Variants in TMEM175 observed in about 807,000 individuals in gnomAD.
The protein encoded by TMEM175 is transmembrane protein 175, also known as endosomal/lysosomal proton channel TMEM175.
Under a neutral mutation model 36.5 loss-of-function variants are expected in TMEM175, and 36 were observed. That is an observed-to-expected ratio of 0.99 (90% CI 0.76 to 1.30). TMEM175 has a LOEUF of 1.30. Among genes scored for constraint, TMEM175 ranks in the 50% most tolerant of loss-of-function variants. The pLI, the probability that TMEM175 is intolerant of heterozygous loss-of-function variation, is 0.00. For missense variants in TMEM175, 705 were observed against 692.8 expected, an observed-to-expected ratio of 1.02 and a Z score of -0.20; for synonymous variants, 339 against 313.4, an observed-to-expected ratio of 1.08 and a Z score of -0.86.
Position 952,517 on chromosome 4 carries a change from T to A in TMEM175, c.462+67T>A, listed in dbSNP as rs1419428075. On this transcript the variant is annotated intron_variant, in intron 7 of 10. Coordinates refer to ENST00000264771, the MANE Select transcript of TMEM175 (RefSeq NM_032326.4). ...GTGTGTGTGTGTGTGTGTGTGTGTGTGATCACCATCGGGGTCGTGCAGGTA... is the reference window on the plus strand; with the variant it reads ...GTGTGTGTGTGTGTGTGTGTGTGTGAGATCACCATCGGGGTCGTGCAGGTA... 7,672 of 1,233,268 alleles carry A rather than the reference T, an allele frequency of 6.2e-3. 53 individuals are homozygous for A. Among genetic ancestry groups the A allele is most frequent in the Non-Finnish European group, 6.9e-3 (6,222 of 906,856 alleles). The allele number at this position is 1,233,268 out of a possible 1,614,324, so 76.4% of individuals were successfully genotyped here. A position where few individuals can be genotyped will look rare whatever the true frequency, so the allele number is the denominator to read the frequency against.
At chr4:957,169 CCACCCCT>C (rs925610446) in intron 10 of TMEM175, among the ~76,000 whole-genome samples, 1 of 152,226 alleles carries the variant, frequency 6.6e-6, no homozygotes, top group Non-Finnish European at 1.5e-5. Context: ...CCCCCAACCC[CCACCCCT>C]CACCCCTCGC....
At chr4:945,173 T>G (rs1727981248) in intron 1 of TMEM175, among the ~76,000 whole-genome samples, 1 of 72,254 alleles carries the variant, frequency 1.4e-5, no homozygotes, top group Non-Finnish European at 3.2e-5. Flanking sequence ...GCAGTCCCAG[T>G]GAGACTGCCT....
chr4:938,332 C>T (rs1439540848), intron 1 of TMEM175, among the ~76,000 whole-genome samples: 2 of 152,102 alleles, frequency 1.3e-5, no homozygotes, highest in African/African-American at 2.4e-5. Flanking sequence ...GGTGAAACCC[C>T]GTCTCTACTA....
intron 10 of TMEM175, among the ~76,000 whole-genome samples, chr4:956,119 A>G (rs1729600271): frequency 8.0e-6 from 1 of 124,562 alleles, no homozygotes; most frequent in Non-Finnish European, 1.5e-5. Flanking sequence ...TCCCACCCCA[A>G]GCACAGCCGA....
intron 6 of TMEM175, 151 bp from the exon 7 acceptor site, chr4:952,216 C>A: frequency 2.9e-6 from 2 of 687,888 alleles, no homozygotes; most frequent in East Asian, 2.6e-5. Flanking sequence ...GACACATGCC[C>A]CCCAGCACCC....
chr4:946,397 G>A (rs979868116), intron 1 of TMEM175, among the ~76,000 whole-genome samples: 5 of 152,098 alleles, frequency 3.3e-5, no homozygotes, highest in African/African-American at 1.2e-4. Context: ...CTCCACCTCG[G>A]GTGCAGGGTG....
rs1331983594 is a variant in TMEM175, at chr4:951,188, T to G, written c.291-19T>G. The G allele has an allele frequency of 6.2e-7, 1 of 1,613,378 alleles. No homozygotes were observed. The highest frequency in any genetic ancestry group is 1.1e-5 in the South Asian group (1 of 91,046). On this transcript the variant is annotated intron_variant, in intron 4 of 10. Coordinates refer to ENST00000264771, the MANE Select transcript of TMEM175 (RefSeq NM_032326.4). ...CTACAACCGCGTTTTATTGTCTATC[T>G]TTTTCTTAAATGGTTTAGGTTGTTC...
intron 10 of TMEM175, 101 bp from the exon 11 acceptor site, chr4:957,723 C>T (rs964715831): frequency 1.1e-5 from 13 of 1,184,714 alleles, no homozygotes; most frequent in Middle Eastern, 4.0e-4. Context: ...CATCTGAAAA[C>T]GTGCCAGATC....
intron 1 of TMEM175, among the ~76,000 whole-genome samples, chr4:940,174 C>A (rs370319077): frequency 1.3e-5 from 2 of 152,154 alleles, no homozygotes; most frequent in African/African-American, 4.8e-5. Context: ...GTAGGCCAGG[C>A]GCAGTGGCTC....
chr4:934,588 G>A (rs1275664596), intron 1 of TMEM175, among the ~76,000 whole-genome samples: 2 of 152,178 alleles, frequency 1.3e-5, no homozygotes, highest in East Asian at 3.9e-4. Flanking sequence ...AACTCAAAAT[G>A]TTTGTCTGTG....
At chr4:943,127 G>A (rs1263274383) in intron 1 of TMEM175, among the ~76,000 whole-genome samples, 1 of 152,142 alleles carries the variant, frequency 6.6e-6, no homozygotes, top group Non-Finnish European at 1.5e-5. Context: ...ACTTCACTGT[G>A]AAAGCTATAC....
chr4:953,452 C>A, intron 8 of TMEM175, 98 bp downstream of exon 8: 1 of 1,403,106 alleles, frequency 7.1e-7, no homozygotes, highest in Non-Finnish European at 9.5e-7. Context: ...GGGGGCAGAG[C>A]GCAGACAGGC....
rs1188588099 is a variant in TMEM175 at position 953,194 on chromosome 4, T to C, written c.467T>C (p.Leu156Pro). ...TACAGCTTGCTTTTCCCGCAGGCACTGATTGTGGGGTACGCATTCCACTTC... is the reference window on the plus strand; with the variant it reads ...TACAGCTTGCTTTTCCCGCAGGCACCGATTGTGGGGTACGCATTCCACTTC... Reference protein sequence around the residue: ...CVIAIGVVQALIVGYAFHFPH... With the variant: ...CVIAIGVVQAPIVGYAFHFPH... Residue 156 changes from leucine to proline, a missense_variant, in exon 8 of 11, where the codon CTG (leucine) becomes CCG (proline). Leu to Pro is a moderately conservative substitution (Grantham distance 98). Coordinates refer to ENST00000264771, the MANE Select transcript of TMEM175 (RefSeq NM_032326.4). 2.1e-5 allele frequency: 33 copies of C among 1,605,916 alleles called. No individual in the cohort carries two copies. Among genetic ancestry groups the C allele is most frequent in the Non-Finnish European group, 2.6e-5 (31 of 1,175,042 alleles).
intron 8 of TMEM175, among the ~76,000 whole-genome samples, chr4:954,839 TATG>T (rs1729411829): frequency 6.6e-6 from 1 of 152,210 alleles, no homozygotes; most frequent in African/African-American, 2.4e-5. Context: ...TCCTAGTGGA[TATG>T]AAGAATCTCG....
intron 1 of TMEM175, among the ~76,000 whole-genome samples, chr4:946,396 G>A (rs1042182263): frequency 2.6e-5 from 4 of 152,156 alleles, no homozygotes; most frequent in African/African-American, 9.7e-5. Flanking sequence ...CCTCCACCTC[G>A]GGTGCAGGGT....
In TMEM175 at chr4:952,628, C is replaced by CTCTG. The variant is rs1729076962; in HGVS notation, c.462+179_462+180insCTGT. The stretch of plus-strand genomic sequence containing the variant: ...CCCTCTTGGGGCCTGGGGTCCTGTG[C>CTCTG]TGTGTGTGTGTGTGTGTGTGTGTGT... On this transcript the variant is annotated intron_variant, in intron 7 of 10. Transcript: ENST00000264771. 2.6e-5 allele frequency among the ~76,000 whole-genome samples: 3 copies of CTCTG among 114,862 alleles called. No individual in the cohort carries two copies. The East Asian group carries it at 7.8e-4, about 30-fold the overall frequency. The allele number at this position is 114,862 out of a possible 152,430, so 75.4% of individuals were successfully genotyped here. A position where few individuals can be genotyped will look rare whatever the true frequency, so the allele number is the denominator to read the frequency against.
Position 951,686 on chromosome 4 carries a change from G to C in TMEM175, c.347G>C (p.Cys116Ser), listed in dbSNP as rs771847463. The C allele has an allele frequency of 1.9e-6, 3 of 1,614,106 alleles. 1 individual carries two copies. The South Asian group carries it at 3.3e-5, about 18-fold the overall frequency. The change falls in exon 6 of 11, where the codon TGC becomes TCC. Residue 116 changes from cysteine (C) to serine (S), a missense_variant. Cys to Ser is a moderately radical substitution (Grantham distance 112). Transcript: ENST00000264771. ...DDTLALLNLA[C>S]MMTITFLPYT... ...TGATGCCCTCCCTCCCTCCAGGCCT[G>C]CATGATGACCATCACCTTCCTGCCT...
chr4:945,254 G>C (rs1727992016), intron 1 of TMEM175, among the ~76,000 whole-genome samples: 1 of 149,442 alleles, frequency 6.7e-6, no homozygotes, highest in Non-Finnish European at 1.5e-5. Flanking sequence ...AAACACACAT[G>C]TCCGTTTACA....
intron 1 of TMEM175, among the ~76,000 whole-genome samples, chr4:943,644 C>CTGCCTCGGCAAAT (rs1727785190): frequency 6.6e-6 from 1 of 152,224 alleles, no homozygotes; most frequent in Non-Finnish European, 1.5e-5. Flanking sequence ...GATGGTGCAG[C>CTGCCTCGGCAAAT]TGCCTCGGCA....
Sources: allele counts gnomAD v4.1 joint callset (sites outside exome capture counted in the v4.1 genomes callset), GRCh38; gene constraint gnomAD v4.1.1; transcripts MANE v1.5; gene names NCBI Gene and HGNC (gene_info 2026-07-23, HGNC 2026-07-21).